The following PAK2 variants were observed in gnomAD, a reference collection of about 807,000 sequenced individuals.
The protein encoded by PAK2 is p21 (RAC1) activated kinase 2.
In PAK2, 21 loss-of-function variants were observed where a neutral mutation model predicts 65.9. The observed-to-expected ratio is 0.32, with a 90% CI of 0.23 to 0.46. The LOEUF is 0.46. Ranked by LOEUF, PAK2 falls within the 20% of genes least tolerant of loss-of-function variation. PAK2 has a pLI of 1.00. For missense variants in PAK2, 324 were observed against 642.6 expected (o/e 0.50, Z 5.36); for synonymous variants, 204 against 219.7 (o/e 0.93, Z 0.63).
rs1227157882 is a variant in PAK2 at position 196,804,858 on chromosome 3, TACAC to T, written c.437-482_437-479del. Among the ~76,000 whole-genome samples the T allele has an allele frequency of 7.6e-3, 1,147 of 150,428 alleles. 7 individuals are homozygous for T. The highest frequency in any genetic ancestry group is 0.026 in the African/African-American group (1,058 of 41,006). ...ATATATATATATACACACACACATA[TACAC>T]ACACACACACATATATGTATGTCTC... On this transcript the variant is annotated intron_variant, in intron 4 of 14. Transcript: ENST00000327134.
rs1169716400 is a variant in PAK2 at position 196,831,952 on chromosome 3, C to T, written c.*3547C>T. 5.9e-5 allele frequency: 9 copies of T among 152,140 alleles called. No homozygotes were observed. Among genetic ancestry groups the T allele is most frequent in the African/African-American group, 2.4e-5 (1 of 41,426 alleles). The allele number at this position is 152,140 out of a possible 1,614,324, so 9.4% of individuals were successfully genotyped here. ...CAGTAGGTATTGAAACTGGTAAAAT[C>T]AGTTTTTTGATAGTGTGTGTATATA... On this transcript the variant is annotated 3_prime_UTR_variant, in exon 15 of 15. Transcript: ENST00000327134.
At chr3:196,799,135 T>C (rs1313662004) in intron 2 of PAK2, among the ~76,000 whole-genome samples, 1 of 152,204 alleles carries the variant, frequency 6.6e-6, no homozygotes, top group Non-Finnish European at 1.5e-5. Flanking sequence ...GACAACATGA[T>C]TGAATTTTTG....
intron 1 of PAK2, among the ~76,000 whole-genome samples, chr3:196,777,741 G>T (rs1380712957): frequency 6.6e-6 from 1 of 152,114 alleles, no homozygotes; most frequent in Non-Finnish European, 1.5e-5. Flanking sequence ...CTTTCTCCAG[G>T]TTATGAACTC....
At chr3:196,760,972 C>T (rs190421485) in intron 1 of PAK2, among the ~76,000 whole-genome samples, 1 of 152,100 alleles carries the variant, frequency 6.6e-6, no homozygotes, top group South Asian at 2.1e-4. Flanking sequence ...CACAGTGGCT[C>T]AAGCCTGTAA....
intron 2 of PAK2, among the ~76,000 whole-genome samples, chr3:196,785,798 A>G (rs1714868686): frequency 6.6e-6 from 1 of 151,996 alleles, no homozygotes. Context: ...CGTGGATGAC[A>G]GCAGGCAACG....
intron 4 of PAK2, among the ~76,000 whole-genome samples, chr3:196,804,305 A>G (rs952826303): frequency 5.9e-5 from 9 of 152,324 alleles, no homozygotes; most frequent in Middle Eastern, 3.4e-3. Context: ...GTACACCGTT[A>G]GGAAAAGGTC....
At chr3:196,763,964 A>G (rs113500760) in intron 1 of PAK2, among the ~76,000 whole-genome samples, 2 of 140,626 alleles carry the variant, frequency 1.4e-5, no homozygotes, top group Non-Finnish European at 3.1e-5. Flanking sequence ...ACGCCCGGCT[A>G]TTTTTTTTTT....
intron 2 of PAK2, among the ~76,000 whole-genome samples, chr3:196,787,062 G>A (rs944286238): frequency 6.6e-6 from 1 of 151,846 alleles, no homozygotes; most frequent in Non-Finnish European, 1.5e-5. Context: ...GAGCTCAAAC[G>A]ATCTGCCAGC....
intron 1 of PAK2, among the ~76,000 whole-genome samples, chr3:196,764,412 T>TC (rs1344405629): frequency 1.3e-5 from 2 of 151,774 alleles, no homozygotes; most frequent in African/African-American, 4.8e-5. Flanking sequence ...GGTCAGGAGT[T>TC]CAAGACCAGC....
At chr3:196,797,425 T>G (rs1011705313) in intron 2 of PAK2, among the ~76,000 whole-genome samples, 1 of 151,992 alleles carries the variant, frequency 6.6e-6, no homozygotes, top group Non-Finnish European at 1.5e-5. Context: ...GTTGCGCCAC[T>G]GCACACCAGC....
chr3:196,808,008 CTTAAAGT>C (rs1715641017), intron 7 of PAK2, 94 bp downstream of exon 7: 1 of 1,212,036 alleles, frequency 8.3e-7, no homozygotes. Context: ...TACATTGTGA[CTTAAAGT>C]ATAAAGAATA....
At chr3:196,773,851 G>A (rs189584704) in intron 1 of PAK2, among the ~76,000 whole-genome samples, 110 of 150,636 alleles carry the variant, frequency 7.3e-4, no homozygotes, top group Admixed American at 6.0e-4. Context: ...CAGCCTGGGC[G>A]ACAGAATCTC....
chr3:196,807,834 A>G lies in PAK2; in HGVS notation c.629A>G (p.His210Arg), dbSNP rs1427927680. 8 of 1,612,904 alleles carry G rather than the reference A, an allele frequency of 5.0e-6. No individual in the cohort carries two copies. Among genetic ancestry groups the G allele is most frequent in the Non-Finnish European group, 1.7e-6 (2 of 1,179,340 alleles). ...DPVPAPVGDSHVDGAAKSLDK... is the reference protein window; with the variant it reads ...DPVPAPVGDSRVDGAAKSLDK... ...GTTCCTGCACCAGTTGGTGATTCAC[A>G]TGTTGATGGTGCTGCCAAGTCTTTA... is the stretch of plus-strand genomic sequence containing the variant. Residue 210 changes from histidine (H) to arginine (R), a missense_variant, in exon 7 of 15, where the codon CAT becomes CGT. Physicochemically the swap from His to Arg is conservative, Grantham distance 29. Around this residue, in one of 5 missense-constraint regions of PAK2, gnomAD observed 183 missense variants for 246.2 expected, o/e 0.74. Coordinates refer to ENST00000327134, the MANE Select transcript of PAK2 (RefSeq NM_002577.4).
intron 4 of PAK2, among the ~76,000 whole-genome samples, chr3:196,804,874 T>C (rs532368368): frequency 9.2e-4 from 139 of 151,632 alleles, no homozygotes; most frequent in African/African-American, 2.1e-3. Context: ...CACACACACA[T>C]ATATGTATGT....
intron 2 of PAK2, among the ~76,000 whole-genome samples, chr3:196,795,901 C>T (rs1219658620): frequency 1.3e-5 from 2 of 152,164 alleles, no homozygotes; most frequent in Non-Finnish European, 2.9e-5. Context: ...ATTGGTTTCG[C>T]GGAAGGTAGT....
Position 196,802,007 on chromosome 3 carries a change from G to A in PAK2, c.268G>A (p.Ala90Thr), listed in dbSNP as rs1173732213. The A allele has an allele frequency of 6.3e-7, 1 of 1,588,504 alleles. No individual in the cohort carries two copies. Among genetic ancestry groups the A allele is most frequent in the South Asian group, 1.1e-5 (1 of 90,566 alleles). ...FEHTIHVGFD[A>T]VTGEFTGMPE... ...GCACACCATCCATGTTGGCTTTGAT[G>A]CTGTTACTGGAGAATTCACTGTAAG... The change falls in exon 3 of 15, where the codon GCT becomes ACT. Residue 90 changes from alanine (A) to threonine (T), a missense_variant. By Grantham distance (58) the Ala-to-Thr change is moderately conservative. This residue lies in a region of PAK2 where 20 missense variants were observed against 99.9 expected (regional missense o/e 0.20). Coordinates refer to ENST00000327134, the MANE Select transcript of PAK2 (RefSeq NM_002577.4).
intron 2 of PAK2, among the ~76,000 whole-genome samples, chr3:196,792,482 GCATT>G (rs1208390787): frequency 6.6e-6 from 1 of 152,114 alleles, no homozygotes; most frequent in Non-Finnish European, 1.5e-5. Flanking sequence ...TCCATAACCA[GCATT>G]CCCTTCCCTC....
In PAK2 at chr3:196,772,341, G is replaced by A. The variant is rs115424511; in HGVS notation, c.-21-10285G>A. On this transcript the variant is annotated intron_variant, in intron 1 of 14. Transcript: ENST00000327134. ...CTCTGGGGTTTAGTCAGAATCCCTC[G>A]AGAATAAGTAGATTAGTAAATTGCT... Among the ~76,000 whole-genome samples, 755 of 152,222 alleles carry A rather than the reference G, an allele frequency of 5.0e-3. 2 individuals are homozygous for A. The highest frequency in any genetic ancestry group is 0.017 in the African/African-American group (716 of 41,534).
intron 1 of PAK2, among the ~76,000 whole-genome samples, chr3:196,741,373 A>G (rs1261633472): frequency 1.3e-5 from 2 of 152,202 alleles, no homozygotes; most frequent in African/African-American, 4.8e-5. Flanking sequence ...AAACTTGTCA[A>G]CTTTGCCAGA....
Sources: gnomAD v4.1 joint callset for allele counts (sites outside exome capture counted in the v4.1 genomes callset) on GRCh38, gnomAD v4.1.1 for gene constraint, gnomAD v4.1.1 regional missense constraint, MANE v1.5 for transcripts, NCBI Gene and HGNC (gene_info 2026-07-23, HGNC 2026-07-21) for gene names.